Variants in CNTNAP2 observed in about 807,000 individuals in gnomAD.
The protein encoded by CNTNAP2 is contactin-associated protein-like 2.
In CNTNAP2, 98 loss-of-function variants were observed where a neutral mutation model predicts 155.2. The ratio of observed to expected loss-of-function variants is 0.63; its 90% CI spans 0.54 to 0.75. CNTNAP2 has a LOEUF of 0.75. Ranked by LOEUF, CNTNAP2 falls within the 30% of genes least tolerant of loss-of-function variation. The probability of loss-of-function intolerance (pLI) is 0.00; values close to 1 mark genes in which losing one functional copy is unlikely to be tolerated. For synonymous variants in CNTNAP2, 651 were observed against 631.2 expected (o/e 1.03, Z -0.47); for missense variants, 1,727 against 1,688.1 (o/e 1.02, Z -0.40).
chr7:147,260,712 C>T (rs574162264), intron 8 of CNTNAP2, among the ~76,000 whole-genome samples: 4 of 152,228 alleles, frequency 2.6e-5, no homozygotes, highest in South Asian at 2.1e-4. Flanking sequence ...AAAGCAGGTG[C>T]GTATGCCTTG....
chr7:146,976,241 C>G (rs563167713), intron 3 of CNTNAP2, among the ~76,000 whole-genome samples: 2 of 152,308 alleles, frequency 1.3e-5, no homozygotes, highest in East Asian at 3.9e-4. Context: ...GTGGGACTTT[C>G]TCTCCATGTA....
chr7:148,084,087 A>G (rs1242541828), intron 15 of CNTNAP2, among the ~76,000 whole-genome samples: 1 of 152,212 alleles, frequency 6.6e-6, no homozygotes, highest in African/African-American at 2.4e-5. Context: ...AACAACTCAC[A>G]CTTGAGAAAA....
chr7:146,239,395 C>T (rs947154735), intron 1 of CNTNAP2, among the ~76,000 whole-genome samples: 1 of 152,108 alleles, frequency 6.6e-6, no homozygotes, highest in Non-Finnish European at 1.5e-5. Flanking sequence ...AAAATACCAA[C>T]AGCTTTACAG....
chr7:146,344,799 A>G (rs573631035), intron 1 of CNTNAP2, among the ~76,000 whole-genome samples: 121 of 152,288 alleles, frequency 7.9e-4, no homozygotes, highest in African/African-American at 2.7e-3. Context: ...CTAGAATATT[A>G]TCTTCAGCCT....
chr7:147,222,519 A>G (rs942613181), intron 8 of CNTNAP2, among the ~76,000 whole-genome samples: 1 of 152,232 alleles, frequency 6.6e-6, no homozygotes, highest in African/African-American at 2.4e-5. Flanking sequence ...TTAGCATATT[A>G]TCATAATTGT....
chr7:147,330,882 G>C (rs1306651878), intron 9 of CNTNAP2, among the ~76,000 whole-genome samples: 36 of 152,070 alleles, frequency 2.4e-4, no homozygotes, highest in Admixed American at 2.4e-3. Flanking sequence ...CACAAACTTG[G>C]AAGGAATATC....
intron 9 of CNTNAP2, among the ~76,000 whole-genome samples, chr7:147,316,315 T>A (rs962840714): frequency 6.6e-6 from 1 of 152,034 alleles, no homozygotes; most frequent in Non-Finnish European, 1.5e-5. Flanking sequence ...TGTTGCACTC[T>A]GATAATAAAA....
At chr7:146,968,021 C>T (rs13247431) in intron 3 of CNTNAP2, among the ~76,000 whole-genome samples, 5,465 of 128,204 alleles carry the variant, frequency 0.043, 236 homozygotes, top group South Asian at 0.081. Flanking sequence ...TAGCATGAAG[C>T]GGTGTTGAAT....
At chr7:146,232,597 TCTC>T (rs1447670479) in intron 1 of CNTNAP2, among the ~76,000 whole-genome samples, 1 of 152,148 alleles carries the variant, frequency 6.6e-6, no homozygotes, top group African/African-American at 2.4e-5. Flanking sequence ...GTGGAACACT[TCTC>T]CTGTTGGGAC....
chr7:146,474,042 C>T (rs1294100252), intron 1 of CNTNAP2, among the ~76,000 whole-genome samples: 1 of 152,102 alleles, frequency 6.6e-6, no homozygotes, highest in African/African-American at 2.4e-5. Context: ...GTAAAACCCT[C>T]TCTACTCTCT....
chr7:147,383,214 TACTC>T (rs1250789018), intron 9 of CNTNAP2, among the ~76,000 whole-genome samples: 1 of 152,182 alleles, frequency 6.6e-6, no homozygotes, highest in Non-Finnish European at 1.5e-5. Context: ...GTATCCGCCT[TACTC>T]AATACATTTT....
intron 15 of CNTNAP2, among the ~76,000 whole-genome samples, chr7:148,096,123 G>A (rs1175353250): frequency 6.6e-6 from 1 of 152,110 alleles, no homozygotes; most frequent in African/African-American, 2.4e-5. Context: ...AAACACCAAT[G>A]TCCAACTTCA....
chr7:148,135,625 G>A (rs1331763931), intron 16 of CNTNAP2, among the ~76,000 whole-genome samples: 1 of 151,804 alleles, frequency 6.6e-6, no homozygotes, highest in Non-Finnish European at 1.5e-5. Flanking sequence ...GAGGCAGGTG[G>A]ATCACCTGAG....
intron 1 of CNTNAP2, among the ~76,000 whole-genome samples, chr7:146,643,934 G>A (rs906798317): frequency 5.3e-5 from 8 of 152,004 alleles, no homozygotes; most frequent in African/African-American, 1.7e-4. Context: ...TTGTGAATGG[G>A]AGTTCACTCA....
At chr7:147,289,077 A>T (rs1394441903) in intron 8 of CNTNAP2, among the ~76,000 whole-genome samples, 1 of 152,186 alleles carries the variant, frequency 6.6e-6, no homozygotes, top group East Asian at 1.9e-4. Flanking sequence ...AACTTATTCA[A>T]ATTAAAATAG....
intron 1 of CNTNAP2, among the ~76,000 whole-genome samples, chr7:146,585,750 AGG>A (rs1491187983): frequency 2.2e-5 from 3 of 134,526 alleles, no homozygotes; most frequent in African/African-American, 7.8e-5. Context: ...AAAAGAAAGA[AGG>A]AAAGAAAGAA....
At chr7:146,711,727 AT>A (rs1801077873) in intron 1 of CNTNAP2, among the ~76,000 whole-genome samples, 1 of 146,448 alleles carries the variant, frequency 6.8e-6, no homozygotes, top group Admixed American at 6.9e-5. Context: ...TACACATCTT[AT>A]GTATACATAT....
At chr7:147,262,763 G>A (rs200177752) in intron 8 of CNTNAP2, among the ~76,000 whole-genome samples, 4 of 152,256 alleles carry the variant, frequency 2.6e-5, no homozygotes, top group Middle Eastern at 3.4e-3. Flanking sequence ...CCGAGATCGC[G>A]CCACTGCACT....
At chr7:148,292,925 G>T (rs1797213291) in intron 21 of CNTNAP2, among the ~76,000 whole-genome samples, 2 of 152,064 alleles carry the variant, frequency 1.3e-5, no homozygotes, top group South Asian at 4.1e-4. Context: ...GTAGCAGATG[G>T]CTATAATTGC....
Sources: gnomAD v4.1 joint callset for allele counts (sites outside exome capture counted in the v4.1 genomes callset) on GRCh38, gnomAD v4.1.1 for gene constraint, MANE v1.5 for transcripts, NCBI Gene and HGNC (gene_info 2026-07-23, HGNC 2026-07-21) for gene names.